The following SEL1L2 variants were observed in gnomAD, a reference collection of about 807,000 sequenced individuals.
SEL1L2 encodes SEL1L2 adaptor subunit of SYVN1 ubiquitin ligase.
SEL1L2 carries 89 observed loss-of-function variants against 98.8 expected under a neutral mutation model. That is an observed-to-expected ratio of 0.90 (90% CI 0.76 to 1.07). The LOEUF (loss-of-function observed/expected upper bound fraction) is 1.07. Among genes scored for constraint, SEL1L2 ranks in the 50% least tolerant of loss-of-function variants. The pLI is 0.00. For missense variants in SEL1L2, 788 were observed against 812.0 expected, an observed-to-expected ratio of 0.97 and a Z score of 0.36; for synonymous variants, 262 against 278.5, an observed-to-expected ratio of 0.94 and a Z score of 0.59.
intron 1 of SEL1L2, among the ~76,000 whole-genome samples, chr20:13,981,071 C>T (rs963929939): frequency 2.6e-5 from 4 of 152,050 alleles, no homozygotes; most frequent in Non-Finnish European, 5.9e-5. Flanking sequence ...GGTGAAACCC[C>T]GTCTCTACTA....
intron 12 of SEL1L2, among the ~76,000 whole-genome samples, chr20:13,870,759 C>G (rs1029056228): frequency 1.3e-5 from 2 of 151,912 alleles, no homozygotes; most frequent in African/African-American, 4.8e-5. Flanking sequence ...CCTGTCTCTA[C>G]TAAAAATGTA....
At chr20:13,968,089 AG>A (rs2051129568) in intron 1 of SEL1L2, among the ~76,000 whole-genome samples, 1 of 152,218 alleles carries the variant, frequency 6.6e-6, no homozygotes, top group African/African-American at 2.4e-5. Context: ...GATATTTCGT[AG>A]TCTTTTATTC....
At chr20:13,937,099 T>C (rs2049489753) in intron 2 of SEL1L2, among the ~76,000 whole-genome samples, 1 of 152,260 alleles carries the variant, frequency 6.6e-6, no homozygotes, top group Admixed American at 6.5e-5. Context: ...AAATAGTTTT[T>C]ATTGTCTCTT....
At chr20:13,963,323 C>T (rs73612326) in intron 1 of SEL1L2, among the ~76,000 whole-genome samples, 17,002 of 140,320 alleles carry the variant, frequency 0.12, 1,132 homozygotes, top group Admixed American at 0.2. Context: ...ACTTCTCATT[C>T]TCTCTTATAT....
chr20:13,887,883 A>G, intron 7 of SEL1L2, 33 bp from the exon 8 acceptor site: 1 of 1,604,620 alleles, frequency 6.2e-7, no homozygotes, highest in Non-Finnish European at 8.5e-7. Flanking sequence ...CTTAATATTC[A>G]AGACAATGCT....
At chr20:13,951,949 T>C (rs1161150867) in intron 2 of SEL1L2, among the ~76,000 whole-genome samples, 1 of 152,056 alleles carries the variant, frequency 6.6e-6, no homozygotes, top group Non-Finnish European at 1.5e-5. Flanking sequence ...TTCTGAGCAA[T>C]TATCCTGCAA....
intron 4 of SEL1L2, among the ~76,000 whole-genome samples, chr20:13,915,962 T>C (rs1479359773): frequency 6.6e-6 from 1 of 152,134 alleles, no homozygotes; most frequent in Admixed American, 6.6e-5. Context: ...AAACTTGGTG[T>C]AGAACAACGG....
intron 4 of SEL1L2, among the ~76,000 whole-genome samples, chr20:13,914,380 T>C (rs1208915422): frequency 2.6e-5 from 4 of 152,228 alleles, no homozygotes; most frequent in African/African-American, 9.6e-5. Flanking sequence ...AAAATTGGAA[T>C]GTAACCTCTA....
At chr20:13,863,187 C>T (rs1990447726) in intron 17 of SEL1L2, among the ~76,000 whole-genome samples, 1 of 152,164 alleles carries the variant, frequency 6.6e-6, no homozygotes, top group Admixed American at 6.6e-5. Flanking sequence ...CTAATTTTGC[C>T]CAAAGCTGCC....
chr20:13,882,888 C>G (rs564812043), intron 10 of SEL1L2, among the ~76,000 whole-genome samples: 3 of 139,696 alleles, frequency 2.1e-5, no homozygotes, highest in Admixed American at 7.8e-5. Flanking sequence ...GGGATCTCGG[C>G]TCACTGCAAG....
intron 1 of SEL1L2, among the ~76,000 whole-genome samples, chr20:13,982,144 T>C (rs973781029): frequency 1.3e-5 from 2 of 152,046 alleles, no homozygotes; most frequent in Admixed American, 6.6e-5. Flanking sequence ...TCTGAGAGAG[T>C]TGCTATTAAC....
intron 2 of SEL1L2, among the ~76,000 whole-genome samples, chr20:13,933,065 C>A (rs1423074751): frequency 6.6e-6 from 1 of 151,922 alleles, no homozygotes; most frequent in Non-Finnish European, 1.5e-5. Context: ...AAAAAATTCG[C>A]CAGGCCTGGT....
intron 3 of SEL1L2, among the ~76,000 whole-genome samples, chr20:13,921,155 T>C (rs894756026): frequency 1.3e-5 from 2 of 152,218 alleles, no homozygotes; most frequent in Non-Finnish European, 2.9e-5. Context: ...TATTTGTAAT[T>C]CTTTTTTGGC....
At chr20:13,868,190 T>C (rs2046013529) in intron 14 of SEL1L2, among the ~76,000 whole-genome samples, 1 of 151,708 alleles carries the variant, frequency 6.6e-6, no homozygotes, top group Non-Finnish European at 1.5e-5. Flanking sequence ...CTCACTCACC[T>C]CTCTCCCCAT....
upstream of SEL1L2, among the ~76,000 whole-genome samples, chr20:13,994,131 C>T (rs1261383702): frequency 6.6e-6 from 1 of 151,700 alleles, no homozygotes; most frequent in Non-Finnish European, 1.5e-5. Flanking sequence ...CCCATGTTTA[C>T]TAAAAAAATA....
chr20:13,875,576 A>G (rs2046394180), intron 12 of SEL1L2, among the ~76,000 whole-genome samples: 1 of 152,034 alleles, frequency 6.6e-6, no homozygotes, highest in South Asian at 2.1e-4. Context: ...CTCCCTGACA[A>G]GCTCCCGCCT....
intron 18 of SEL1L2, among the ~76,000 whole-genome samples, chr20:13,852,028 T>C (rs1988347211): frequency 6.6e-6 from 1 of 152,218 alleles, no homozygotes; most frequent in Non-Finnish European, 1.5e-5. Context: ...ATTAAATAGA[T>C]GTTGTAAAAA....
intron 1 of SEL1L2, among the ~76,000 whole-genome samples, chr20:13,978,766 G>T (rs2051667823): frequency 6.6e-6 from 1 of 152,154 alleles, no homozygotes; most frequent in Non-Finnish European, 1.5e-5. Context: ...CCATGAAAAA[G>T]AATGAAATCA....
intron 1 of SEL1L2, among the ~76,000 whole-genome samples, chr20:13,972,891 C>T (rs1247833546): frequency 6.6e-6 from 1 of 152,132 alleles, no homozygotes; most frequent in Admixed American, 6.5e-5. Context: ...AGTGTTCTTG[C>T]TTGGCACAAA....
Sources: gnomAD v4.1 joint callset for allele counts (sites outside exome capture counted in the v4.1 genomes callset) on GRCh38, gnomAD v4.1.1 for gene constraint, MANE v1.5 for transcripts, NCBI Gene and HGNC (gene_info 2026-07-23, HGNC 2026-07-21) for gene names.